The following TRABD2B variants were observed in gnomAD, a reference collection of about 807,000 sequenced individuals.
The protein encoded by TRABD2B is metalloprotease TIKI2.
In TRABD2B, 14 loss-of-function variants were observed where a neutral mutation model predicts 40.1. The ratio of observed to expected loss-of-function variants is 0.35; its 90% CI spans 0.23 to 0.55. The LOEUF (loss-of-function observed/expected upper bound fraction) is 0.55, where lower values mean the gene tolerates loss of function less well. TRABD2B is among the 20% of genes least tolerant of loss of function. The probability of loss-of-function intolerance (pLI) is 0.90; values close to 1 mark genes in which losing one functional copy is unlikely to be tolerated. For missense variants in TRABD2B, 541 were observed against 648.6 expected (o/e 0.83, Z 1.80); for synonymous variants, 263 against 277.0 (o/e 0.95, Z 0.50).
chr1:47,921,810 C>T (rs973594259), intron 2 of TRABD2B, among the ~76,000 whole-genome samples: 1 of 152,034 alleles, frequency 6.6e-6, no homozygotes, highest in South Asian at 2.1e-4. Context: ...AATAAAGGAC[C>T]CTGAATCCAA....
chr1:47,899,377 A>C (rs1644567603), intron 2 of TRABD2B, among the ~76,000 whole-genome samples: 1 of 152,220 alleles, frequency 6.6e-6, no homozygotes, highest in South Asian at 2.1e-4. Flanking sequence ...CAGATCAGTA[A>C]GGCAAGAAGG....
chr1:47,805,918 T>C (rs560785552), intron 2 of TRABD2B, among the ~76,000 whole-genome samples: 1 of 152,146 alleles, frequency 6.6e-6, no homozygotes, highest in South Asian at 2.1e-4. Context: ...CTGGAATGTA[T>C]CCTCCTAGTT....
intron 6 of TRABD2B, among the ~76,000 whole-genome samples, chr1:47,767,769 G>T (rs550084732): frequency 6.6e-6 from 1 of 152,212 alleles, no homozygotes; most frequent in Non-Finnish European, 1.5e-5. Flanking sequence ...TTCCTGCCAC[G>T]CTTCCCACTG....
intron 2 of TRABD2B, among the ~76,000 whole-genome samples, chr1:47,865,193 T>C (rs1325676859): frequency 6.6e-6 from 1 of 152,156 alleles, no homozygotes; most frequent in Non-Finnish European, 1.5e-5. Context: ...TCATTGCCCA[T>C]TTCTGCCTTC....
At chr1:47,889,965 T>A (rs903608783) in intron 2 of TRABD2B, among the ~76,000 whole-genome samples, 5 of 152,234 alleles carry the variant, frequency 3.3e-5, no homozygotes, top group Non-Finnish European at 7.3e-5. Context: ...ATTAGCTCCC[T>A]TTGTTCACTG....
At chr1:47,983,549 CA>C (rs1645872627) in intron 2 of TRABD2B, among the ~76,000 whole-genome samples, 1 of 152,002 alleles carries the variant, frequency 6.6e-6, no homozygotes, top group African/African-American at 2.4e-5. Flanking sequence ...CCGAAGTCCC[CA>C]AGTGGCTCAG....
chr1:47,980,232 T>C (rs1299966200), intron 2 of TRABD2B, among the ~76,000 whole-genome samples: 1 of 152,176 alleles, frequency 6.6e-6, no homozygotes, highest in Non-Finnish European at 1.5e-5. Context: ...CCCCATAACA[T>C]GGTGCCACTC....
intron 2 of TRABD2B, among the ~76,000 whole-genome samples, chr1:47,935,439 T>G (rs1156267257): frequency 6.6e-6 from 1 of 152,222 alleles, no homozygotes; most frequent in African/African-American, 2.4e-5. Flanking sequence ...TTCATTAAAA[T>G]AGAGCTTCTG....
intron 2 of TRABD2B, among the ~76,000 whole-genome samples, chr1:47,876,070 T>C (rs1211357846): frequency 6.6e-6 from 1 of 152,204 alleles, no homozygotes; most frequent in Non-Finnish European, 1.5e-5. Flanking sequence ...TCCAGCCCAC[T>C]GGAGGTCCCA....
At chr1:47,938,536 T>A (rs181439513) in intron 2 of TRABD2B, among the ~76,000 whole-genome samples, 1 of 152,124 alleles carries the variant, frequency 6.6e-6, no homozygotes, top group African/African-American at 2.4e-5. Flanking sequence ...ACTGGGAAAA[T>A]GCATCTTTCT....
intron 2 of TRABD2B, among the ~76,000 whole-genome samples, chr1:47,946,570 A>G (rs1645263150): frequency 6.6e-6 from 1 of 152,190 alleles, no homozygotes; most frequent in Non-Finnish European, 1.5e-5. Context: ...CCAGCCTTGT[A>G]TTCCCAGGAT....
intron 2 of TRABD2B, among the ~76,000 whole-genome samples, chr1:47,852,768 G>A (rs1157200545): frequency 1.3e-5 from 2 of 151,998 alleles, no homozygotes; most frequent in Non-Finnish European, 2.9e-5. Context: ...TGCTGCTGAG[G>A]TTAAGTTATT....
At chr1:47,906,483 GA>G (rs751090799) in intron 2 of TRABD2B, among the ~76,000 whole-genome samples, 9 of 152,188 alleles carry the variant, frequency 5.9e-5, no homozygotes, top group Admixed American at 1.3e-4. Flanking sequence ...GAGAACCCAG[GA>G]ATTCTGATCC....
At chr1:47,932,309 C>T (rs966228407) in intron 2 of TRABD2B, among the ~76,000 whole-genome samples, 1 of 151,990 alleles carries the variant, frequency 6.6e-6, no homozygotes, top group Non-Finnish European at 1.5e-5. Flanking sequence ...AGAAGGTGCA[C>T]CAAGGAGAGG....
At chr1:47,799,306 G>A (rs973977579) in intron 3 of TRABD2B, among the ~76,000 whole-genome samples, 2 of 152,144 alleles carry the variant, frequency 1.3e-5, no homozygotes, top group Non-Finnish European at 2.9e-5. Flanking sequence ...ACTCACGGGG[G>A]TCTCCCTCAG....
intron 2 of TRABD2B, among the ~76,000 whole-genome samples, chr1:47,987,308 C>A (rs957697740): frequency 2.6e-5 from 4 of 152,164 alleles, no homozygotes; most frequent in African/African-American, 7.2e-5. Flanking sequence ...GCTGACAATT[C>A]TTCAAAGCTA....
chr1:47,909,559 A>AAGGAGGAGGAGGAGG (rs71056647), intron 2 of TRABD2B, among the ~76,000 whole-genome samples: 31 of 117,408 alleles, frequency 2.6e-4, no homozygotes, highest in African/African-American at 9.1e-4. Context: ...AAGAAGGAAG[A>AAGGAGGAGGAGGAGG]AGGAGGAGGA....
chr1:47,946,578 G>C (rs568024615), intron 2 of TRABD2B, among the ~76,000 whole-genome samples: 1 of 152,236 alleles, frequency 6.6e-6, no homozygotes, highest in South Asian at 2.1e-4. Context: ...GTATTCCCAG[G>C]ATAATTCCTG....
At chr1:47,794,839 T>C in intron 3 of TRABD2B, 79 bp from the exon 4 acceptor site, 1 of 1,363,994 alleles carries the variant, frequency 7.3e-7, no homozygotes, top group Non-Finnish European at 9.6e-7. Context: ...GTCACCCAGG[T>C]TGGAGTGCAG....
Sources: gnomAD v4.1 joint callset for allele counts (sites outside exome capture counted in the v4.1 genomes callset) on GRCh38, gnomAD v4.1.1 for gene constraint, MANE v1.5 for transcripts, NCBI Gene and HGNC (gene_info 2026-07-23, HGNC 2026-07-21) for gene names.